The following MAF variants were observed in gnomAD, a reference collection of about 807,000 sequenced individuals.
MAF encodes the protein MAF bZIP transcription factor, also known as transcription factor Maf.
A neutral mutation model predicts 22.0 loss-of-function variants in MAF; 10 were observed. That is an observed-to-expected ratio of 0.45 (90% CI 0.28 to 0.77). The LOEUF is 0.77. MAF is among the 30% of genes least tolerant of loss of function. The pLI, the probability that MAF is intolerant of heterozygous loss-of-function variation, is 0.12. For missense variants in MAF, 544 were observed against 548.4 expected (o/e 0.99, Z 0.08); for synonymous variants, 337 against 255.8 (o/e 1.32, Z -3.03).
the MAF span, among the ~76,000 whole-genome samples, chr16:79,413,211 T>TTG: frequency 3.5e-4 from 2 of 5,698 alleles, no homozygotes; most frequent in Non-Finnish European, 8.6e-4. Flanking sequence ...AGCTGTGCAG[T>TTG]TTTTTTTTTT....
the MAF span, among the ~76,000 whole-genome samples, chr16:79,456,514 A>G: frequency 6.6e-6 from 1 of 152,208 alleles, no homozygotes; most frequent in Non-Finnish European, 1.5e-5. Flanking sequence ...AATGCTCACT[A>G]CATTGGTTTG....
the MAF span, among the ~76,000 whole-genome samples, chr16:79,494,647 A>G: frequency 2.0e-5 from 3 of 152,088 alleles, no homozygotes; most frequent in Non-Finnish European, 2.9e-5. Flanking sequence ...CTCACACCAC[A>G]CTTCTGACAC....
At chr16:79,539,390 C>A in the MAF span, among the ~76,000 whole-genome samples, 3 of 151,994 alleles carry the variant, frequency 2.0e-5, no homozygotes, top group Non-Finnish European at 4.4e-5. Flanking sequence ...GTAATCCCAA[C>A]TACTAGAGGG....
chr16:79,266,199 C>G, the MAF span, among the ~76,000 whole-genome samples: 1 of 152,132 alleles, frequency 6.6e-6, no homozygotes, highest in African/African-American at 2.4e-5. Flanking sequence ...AGGGACAGAG[C>G]CAAAGCTGGA....
At chr16:79,576,615 T>C in the MAF span, among the ~76,000 whole-genome samples, 1 of 152,148 alleles carries the variant, frequency 6.6e-6, no homozygotes, top group Non-Finnish European at 1.5e-5. Flanking sequence ...TTTTCCAATC[T>C]TGAAAAACTT....
At chr16:79,342,816 T>C in the MAF span, among the ~76,000 whole-genome samples, 1 of 152,186 alleles carries the variant, frequency 6.6e-6, no homozygotes, top group Non-Finnish European at 1.5e-5. Flanking sequence ...CTAAAGAAGT[T>C]GCACAGATCA....
At chr16:79,569,794 C>A in the MAF span, among the ~76,000 whole-genome samples, 2 of 152,208 alleles carry the variant, frequency 1.3e-5, no homozygotes, top group Non-Finnish European at 2.9e-5. Flanking sequence ...ATGATTTTCA[C>A]AAGTGACCAA....
the MAF span, among the ~76,000 whole-genome samples, chr16:79,379,269 C>T: frequency 6.6e-6 from 1 of 152,162 alleles, no homozygotes; most frequent in African/African-American, 2.4e-5. Flanking sequence ...CTCTGAGTGT[C>T]GTGATCTGTT....
chr16:79,424,734 C>G, the MAF span, among the ~76,000 whole-genome samples: 1 of 152,138 alleles, frequency 6.6e-6, no homozygotes, highest in Non-Finnish European at 1.5e-5. Context: ...CAACAAAAAT[C>G]CTGCTGCATA....
the MAF span, among the ~76,000 whole-genome samples, chr16:79,319,553 T>G: frequency 4.6e-5 from 7 of 152,332 alleles, no homozygotes; most frequent in South Asian, 6.2e-4. Flanking sequence ...GTAACAGATC[T>G]GACGTAGGTG....
the MAF span, among the ~76,000 whole-genome samples, chr16:79,544,499 G>A: frequency 1.3e-5 from 2 of 152,204 alleles, no homozygotes; most frequent in East Asian, 3.9e-4. Context: ...TAGCAGCCGG[G>A]CATGGTGGCT....
chr16:79,434,488 C>A, the MAF span, among the ~76,000 whole-genome samples: 5 of 152,164 alleles, frequency 3.3e-5, no homozygotes, highest in African/African-American at 1.2e-4. Flanking sequence ...CTGCTACAAG[C>A]CAGCTCCAGC....
At chr16:79,509,286 C>G in the MAF span, among the ~76,000 whole-genome samples, 1 of 152,216 alleles carries the variant, frequency 6.6e-6, no homozygotes, top group Admixed American at 6.5e-5. Flanking sequence ...TGGTCTCTAA[C>G]AAAGCCCTCT....
At chr16:79,213,796 T>C in the MAF span, among the ~76,000 whole-genome samples, 1 of 151,638 alleles carries the variant, frequency 6.6e-6, no homozygotes, top group Non-Finnish European at 1.5e-5. Flanking sequence ...ATGCAAAAGA[T>C]AGTAAAAGTT....
At chr16:79,543,990 C>T in the MAF span, among the ~76,000 whole-genome samples, 7 of 152,108 alleles carry the variant, frequency 4.6e-5, no homozygotes, top group Admixed American at 2.0e-4. Context: ...CTGGCCCAGG[C>T]CCTCTTTTCT....
the MAF span, among the ~76,000 whole-genome samples, chr16:79,326,937 G>C: frequency 6.6e-6 from 1 of 152,154 alleles, no homozygotes; most frequent in African/African-American, 2.4e-5. Context: ...TTCCAGATGG[G>C]ATAAGCTGGA....
chr16:79,339,112 C>G, the MAF span, among the ~76,000 whole-genome samples: 20 of 151,926 alleles, frequency 1.3e-4, no homozygotes, highest in African/African-American at 4.8e-4. Flanking sequence ...CACTGTCGCC[C>G]AGGCTGGAGC....
At chr16:79,587,716 A>C (rs369038210) in intron 1 of MAF, among the ~76,000 whole-genome samples, 15 of 152,140 alleles carry the variant, frequency 9.9e-5, no homozygotes, top group South Asian at 6.2e-4. Flanking sequence ...AGGAAAAAAA[A>C]CAGGCCTCAT....
the MAF span, among the ~76,000 whole-genome samples, chr16:79,250,889 G>A: frequency 3.3e-4 from 51 of 152,264 alleles, no homozygotes; most frequent in African/African-American, 1.2e-3. Context: ...GCTAAAACTG[G>A]GACAGTCCCA....
Sources: gnomAD v4.1 joint callset for allele counts (sites outside exome capture counted in the v4.1 genomes callset) on GRCh38, gnomAD v4.1.1 for gene constraint, MANE v1.5 for transcripts, NCBI Gene and HGNC (gene_info 2026-07-23, HGNC 2026-07-21) for gene names.